Variants in CSMD2 observed in about 807,000 individuals in gnomAD.
The protein encoded by CSMD2 is CUB and sushi domain-containing protein 2.
In CSMD2, 130 loss-of-function variants were observed where a neutral mutation model predicts 398.5. The observed-to-expected ratio is 0.33, with a 90% CI of 0.28 to 0.38. The LOEUF (loss-of-function observed/expected upper bound fraction) is 0.38, where lower values mean the gene tolerates loss of function less well. Among genes scored for constraint, CSMD2 ranks in the 10% least tolerant of loss-of-function variants. The pLI is 1.00. For synonymous variants in CSMD2, 1,828 were observed against 1,908.5 expected, an observed-to-expected ratio of 0.96 and a Z score of 1.10; for missense variants, 3,829 against 4,764.9, an observed-to-expected ratio of 0.80 and a Z score of 5.78.
chr1:33,947,490 GCA>G (rs1457696181), intron 3 of CSMD2, among the ~76,000 whole-genome samples: 2 of 152,138 alleles, frequency 1.3e-5, no homozygotes, highest in Non-Finnish European at 2.9e-5. Context: ...TGAAGCCCCA[GCA>G]CACCTCACAG....
At chr1:33,548,466 G>C (rs1657117531) in intron 56 of CSMD2, among the ~76,000 whole-genome samples, 1 of 152,174 alleles carries the variant, frequency 6.6e-6, no homozygotes, top group Non-Finnish European at 1.5e-5. Flanking sequence ...TAGCCTTGGT[G>C]GCCCAGTGGT....
At chr1:33,617,249 G>T (rs1432157068) in intron 38 of CSMD2, among the ~76,000 whole-genome samples, 1 of 152,214 alleles carries the variant, frequency 6.6e-6, no homozygotes, top group Non-Finnish European at 1.5e-5. Context: ...CCTTCAAAGG[G>T]AAATTAAATT....
In CSMD2 at chr1:33,518,208, A is replaced by G. The variant is rs1468466961; in HGVS notation, c.*53+1257T>C. On this transcript the variant is annotated intron_variant, in intron 70 of 70. Coordinates refer to ENST00000373381, the MANE Select transcript of CSMD2 (RefSeq NM_001281956.2). The surrounding 1 kb of genome is among the most constrained non-coding windows in gnomAD (Gnocchi z 4.3). ...CCCAGAAAGCGGGATGTGTGGGAGA[A>G]GACAGTTCTCAGAGGGGTGCAGCTT... Among the ~76,000 whole-genome samples the G allele has an allele frequency of 6.6e-6, 1 of 152,232 alleles. No individual in the cohort carries two copies. The highest frequency in any genetic ancestry group is 6.5e-5 in the Admixed American group (1 of 15,286).
intron 37 of CSMD2, among the ~76,000 whole-genome samples, chr1:33,619,774 G>T (rs1487368344): frequency 6.6e-6 from 1 of 152,068 alleles, no homozygotes; most frequent in Non-Finnish European, 1.5e-5. Flanking sequence ...TTTGAGCCTT[G>T]TCCAAAACTC....
At chr1:33,888,857 T>C (rs2125197529) in intron 5 of CSMD2, among the ~76,000 whole-genome samples, 1 of 152,166 alleles carries the variant, frequency 6.6e-6, no homozygotes, top group East Asian at 1.9e-4. Context: ...AAGCTCCGCC[T>C]CCCAGGTACA....
At chr1:34,108,326 A>C (rs1660724064) in intron 1 of CSMD2, among the ~76,000 whole-genome samples, 1 of 152,192 alleles carries the variant, frequency 6.6e-6, no homozygotes, top group South Asian at 2.1e-4. Flanking sequence ...TGGAATCAGA[A>C]AGCCTGGGTT....
At chr1:33,571,248 T>A (rs1659568456) in intron 51 of CSMD2, among the ~76,000 whole-genome samples, 1 of 152,170 alleles carries the variant, frequency 6.6e-6, no homozygotes, top group African/African-American at 2.4e-5. Flanking sequence ...GTGTCTGGCA[T>A]ATAGTAAGAG....
upstream of CSMD2, chr1:34,165,656 A>C: frequency 2.5e-6 from 3 of 1,199,666 alleles, no homozygotes; most frequent in Non-Finnish European, 3.7e-6. Flanking sequence ...ACAGGCACAT[A>C]CACGCACACC....
At chr1:33,686,804 C>G (rs1207643966) in intron 25 of CSMD2, among the ~76,000 whole-genome samples, 2 of 152,202 alleles carry the variant, frequency 1.3e-5, no homozygotes, top group Admixed American at 1.3e-4. Context: ...ATGTCCCTTC[C>G]CACCTAGCAC....
At chr1:33,932,623 T>G (rs1644350305) in intron 4 of CSMD2, among the ~76,000 whole-genome samples, 1 of 152,126 alleles carries the variant, frequency 6.6e-6, no homozygotes, top group Admixed American at 6.5e-5. Context: ...ACAAAGACAC[T>G]GGGTTGTGAG....
chr1:33,648,151 C>A (rs927905804), intron 28 of CSMD2, among the ~76,000 whole-genome samples: 2 of 151,860 alleles, frequency 1.3e-5, no homozygotes, highest in East Asian at 3.9e-4. Context: ...TCACAAGGTC[C>A]GGAGATCGAG....
intron 11 of CSMD2, among the ~76,000 whole-genome samples, chr1:33,790,708 ATCTG>A (rs1352643963): frequency 1.0e-3 from 143 of 140,216 alleles, no homozygotes; most frequent in East Asian, 4.6e-3. Flanking sequence ...TCTATCATCT[ATCTG>A]TCTATCATCT....
intron 51 of CSMD2, 80 bp downstream of exon 51, chr1:33,571,452 C>G (rs147867298): frequency 8.7e-7 from 1 of 1,155,660 alleles, no homozygotes; most frequent in Non-Finnish European, 1.1e-6. Context: ...TTTTCCCCCA[C>G]CCCAGTTCAC....
At chr1:33,991,892 A>C (rs1264725652) in intron 3 of CSMD2, among the ~76,000 whole-genome samples, 4 of 152,104 alleles carry the variant, frequency 2.6e-5, no homozygotes, top group Non-Finnish European at 5.9e-5. Flanking sequence ...GCAAATACCC[A>C]ACAGAAAAAA....
chr1:33,571,848 A>T (rs1424707701), intron 50 of CSMD2, 122 bp from the exon 51 acceptor site: 2 of 723,976 alleles, frequency 2.8e-6, no homozygotes, highest in African/African-American at 3.6e-5. Flanking sequence ...AGGAATCTTC[A>T]GTTCTCAGGC....
intron 9 of CSMD2, 67 bp from the exon 10 acceptor site, chr1:33,810,931 C>T: frequency 6.4e-7 from 1 of 1,565,366 alleles, no homozygotes; most frequent in East Asian, 2.3e-5. Flanking sequence ...TTGCCTCCCA[C>T]TCCCCACCCA....
intron 62 of CSMD2, among the ~76,000 whole-genome samples, chr1:33,536,762 G>A (rs561639737): frequency 6.6e-6 from 1 of 152,334 alleles, no homozygotes; most frequent in East Asian, 1.9e-4. Flanking sequence ...CCCTGCCTGG[G>A]GTTGCCGGGA....
intron 12 of CSMD2, among the ~76,000 whole-genome samples, chr1:33,783,262 C>T (rs189374216): frequency 1.4e-4 from 21 of 152,118 alleles, no homozygotes; most frequent in Admixed American, 1.2e-3. Flanking sequence ...CTTGTGTGTT[C>T]CCCCAACTCC....
At chr1:33,847,300 T>C (rs368970719) in intron 5 of CSMD2, among the ~76,000 whole-genome samples, 5 of 151,770 alleles carry the variant, frequency 3.3e-5, no homozygotes, top group African/African-American at 1.2e-4. Flanking sequence ...TTCTTTTTTC[T>C]AGTTCTTTGC....
Sources: gnomAD v4.1 joint callset for allele counts (sites outside exome capture counted in the v4.1 genomes callset) on GRCh38, gnomAD v4.1.1 for gene constraint, Gnocchi (gnomAD v3.1) non-coding constraint, MANE v1.5 for transcripts, NCBI Gene and HGNC (gene_info 2026-07-23, HGNC 2026-07-21) for gene names.